ARHGAP35: variants seen among roughly 807,000 people sequenced by gnomAD.
ARHGAP35 encodes Rho GTPase activating protein 35, also known as rho GTPase-activating protein 35.
A neutral mutation model predicts 111.1 loss-of-function variants in ARHGAP35; 15 were observed. The observed-to-expected ratio is 0.13, with a 90% CI of 0.09 to 0.21. The LOEUF (loss-of-function observed/expected upper bound fraction) is 0.21, where lower values mean the gene tolerates loss of function less well. ARHGAP35 is among the 10% of genes least tolerant of loss of function. The probability of loss-of-function intolerance (pLI) is 1.00; values close to 1 mark genes in which losing one functional copy is unlikely to be tolerated. For synonymous variants in ARHGAP35, 643 were observed against 710.3 expected, an observed-to-expected ratio of 0.91 and a Z score of 1.51; for missense variants, 1,262 against 1,873.0, an observed-to-expected ratio of 0.67 and a Z score of 6.02.
chr19:46,893,434 C>A (rs1368080631), intron 1 of ARHGAP35, among the ~76,000 whole-genome samples: 1 of 152,104 alleles, frequency 6.6e-6, no homozygotes, highest in African/African-American at 2.4e-5. Flanking sequence ...AAGACCCCTT[C>A]TTTTCTAGTG....
Position 46,921,584 on chromosome 19 carries a change from C to A in ARHGAP35, c.2909C>A (p.Ser970Tyr), listed in dbSNP as rs1420807534. The part of the protein sequence containing the change: ...ACSTTEEVFN[S>Y]PRAGSPLCNS... ...AGCACCACCGAAGAGGTGTTTAACT[C>A]CCCCCGGGCAGGATCACCGCTCTGC... Residue 970 changes from serine (S) to tyrosine (Y), a missense_variant, in exon 2 of 7, where the codon TCC (serine) becomes TAC (tyrosine). Physicochemically the swap from Ser to Tyr is moderately radical, Grantham distance 144. Coordinates refer to ENST00000672722, the MANE Select transcript of ARHGAP35 (RefSeq NM_004491.5). This position sits in a 1 kb window ranked among gnomAD's most constrained non-coding sequence, Gnocchi z 4.3. 6.2e-7 allele frequency: 1 copy of A among 1,613,906 alleles called. No homozygotes were observed. The highest frequency in any genetic ancestry group is 8.5e-7 in the Non-Finnish European group (1 of 1,179,880).
Position 46,920,347 on chromosome 19 carries a change from A to C in ARHGAP35, c.1672A>C (p.Thr558Pro). Residue 558 changes from threonine to proline, a missense_variant, in exon 2 of 7, where the codon ACA becomes CCA. Physicochemically the swap from Thr to Pro is conservative, Grantham distance 38. Transcript: ENST00000672722. The surrounding 1 kb of genome is among the most constrained non-coding windows in gnomAD (Gnocchi z 7.0). ...TTTTGTGTACCACCCAACAAAGGAG[A>C]CATGCCCCAGCTGCCCAGCTTGTGT... ...IHFVYHPTKE[T>P]CPSCPACVDA... The C allele has an allele frequency of 6.2e-7, 1 of 1,613,976 alleles. No individual in the cohort carries two copies. Among genetic ancestry groups the C allele is most frequent in the Non-Finnish European group, 8.5e-7 (1 of 1,179,894 alleles).
chr19:46,913,569 G>A (rs1352276695), intron 1 of ARHGAP35, among the ~76,000 whole-genome samples: 2 of 152,084 alleles, frequency 1.3e-5, no homozygotes, highest in African/African-American at 4.8e-5. Flanking sequence ...GTCTGAAGAA[G>A]GCACGTAGAT....
Position 46,920,574 on chromosome 19 carries a change from T to C in ARHGAP35, c.1899T>C (p.Tyr633=). The change falls in exon 2 of 7, where the codon TAT becomes TAC. Residue 633 remains tyrosine, a synonymous_variant. Transcript: ENST00000672722. The surrounding 1 kb of genome is among the most constrained non-coding windows in gnomAD (Gnocchi z 7.0). ...DDKYVIDGKM[Y]ELSLRPIEGN... is the part of the protein sequence containing the mutation. ...AGTATGTGATAGATGGTAAAATGTATGAGCTTTCCCTGAGGCCAATAGAGG... is the reference window on the plus strand; with the variant it reads ...AGTATGTGATAGATGGTAAAATGTACGAGCTTTCCCTGAGGCCAATAGAGG... 1 of 1,614,016 alleles carries C rather than the reference T, an allele frequency of 6.2e-7. No individual in the cohort carries two copies. The highest frequency in any genetic ancestry group is 8.5e-7 in the Non-Finnish European group (1 of 1,179,874).
chr19:46,989,212 T>C lies in ARHGAP35; in HGVS notation c.3905-332T>C, dbSNP rs2056666888. 5.0e-6 allele frequency: 1 copy of C among 198,574 alleles called. No homozygotes were observed. The highest frequency in any genetic ancestry group is 1.1e-5 in the Non-Finnish European group (1 of 94,114). 12.3% of individuals were successfully genotyped at this position (198,574 alleles called of 1,614,324 possible). A position where few individuals can be genotyped will look rare whatever the true frequency, so the allele number is the denominator to read the frequency against. ...GGAAAGCCGCCTCCTTCTTCTGTGATGGGAAGGGAGTAAGGAAGAGGCAAC... is the reference window on the plus strand; with the variant it reads ...GGAAAGCCGCCTCCTTCTTCTGTGACGGGAAGGGAGTAAGGAAGAGGCAAC... On this transcript the variant is annotated intron_variant, in intron 4 of 6. Transcript: ENST00000672722. This position sits in a 1 kb window ranked among gnomAD's most constrained non-coding sequence, Gnocchi z 5.3.
chr19:46,998,101 CAA>C (rs797001984), intron 5 of ARHGAP35, among the ~76,000 whole-genome samples: 3 of 135,202 alleles, frequency 2.2e-5, no homozygotes, highest in Non-Finnish European at 1.6e-5. Context: ...GACTCCGTCT[CAA>C]AAAAAAAAAG....
chr19:46,875,196 T>TA (rs1355183185), intron 1 of ARHGAP35, among the ~76,000 whole-genome samples: 1 of 151,708 alleles, frequency 6.6e-6, no homozygotes, highest in Non-Finnish European at 1.5e-5. Context: ...CGTCTACACA[T>TA]ATATCTATTA....
At chr19:46,883,476 A>G (rs960466395) in intron 1 of ARHGAP35, among the ~76,000 whole-genome samples, 1 of 152,022 alleles carries the variant, frequency 6.6e-6, no homozygotes, top group South Asian at 2.1e-4. Context: ...CACATACAAC[A>G]TTTTTTCAAC....
Position 46,878,528 on chromosome 19 carries a change from A to C in ARHGAP35, c.-189+17319A>C, listed in dbSNP as rs544533565. Among the ~76,000 whole-genome samples the C allele has an allele frequency of 2.6e-3, 392 of 152,290 alleles. 2 individuals are homozygous for C. The highest frequency in any genetic ancestry group is 6.8e-3 in the Middle Eastern group (2 of 294). ...GAGATGGGGTTTCGCCATGTTGGCC[A>C]GGGTGGTCTCAAACTCTTAGCCTCA... On this transcript the variant is annotated intron_variant, in intron 1 of 6. Coordinates refer to ENST00000672722, the MANE Select transcript of ARHGAP35 (RefSeq NM_004491.5).
chr19:46,965,720 A>G (rs774205524), intron 3 of ARHGAP35, among the ~76,000 whole-genome samples: 49 of 152,130 alleles, frequency 3.2e-4, no homozygotes, highest in Admixed American at 1.5e-3. Flanking sequence ...CCTGCGCTCA[A>G]GTGACTCTCC....
rs544584801 is a variant in ARHGAP35, at chr19:46,901,615, G to T, written c.-188-16873G>T. The stretch of plus-strand genomic sequence containing the variant: ...AAAGATAACTTGCTGCTCTAGGAGA[G>T]CAAGAGTATACATGTGAAGAACGCG... On this transcript the variant is annotated intron_variant, in intron 1 of 6. Transcript: ENST00000672722. This position sits in a 1 kb window ranked among gnomAD's most constrained non-coding sequence, Gnocchi z 4.5. Among the ~76,000 whole-genome samples the T allele has an allele frequency of 6.6e-6, 1 of 152,328 alleles. No individual in the cohort carries two copies. Among genetic ancestry groups the T allele is most frequent in the African/African-American group, 2.4e-5 (1 of 41,584 alleles).
chr19:46,935,507 C>T (rs1479796768), intron 2 of ARHGAP35, among the ~76,000 whole-genome samples: 1 of 151,990 alleles, frequency 6.6e-6, no homozygotes, highest in Non-Finnish European at 1.5e-5. Context: ...TTTTCTTATA[C>T]AAAGGGGTAC....
chr19:46,973,237 C>T (rs891667947), intron 3 of ARHGAP35, among the ~76,000 whole-genome samples: 3 of 152,134 alleles, frequency 2.0e-5, no homozygotes, highest in Non-Finnish European at 4.4e-5. Flanking sequence ...GTGGTGGGCA[C>T]CTGTAATTCC....
chr19:46,987,956 C>A, intron 3 of ARHGAP35, 33 bp from the exon 4 acceptor site: 1 of 1,608,336 alleles, frequency 6.2e-7, no homozygotes, highest in South Asian at 1.1e-5. Context: ...CTCTCCAGTT[C>A]CTGCTCCTAA....
In ARHGAP35 at chr19:46,972,679, G is replaced by A. The variant is rs534234820; in HGVS notation, c.3827-15310G>A. On this transcript the variant is annotated intron_variant, in intron 3 of 6. Transcript: ENST00000672722. The stretch of plus-strand genomic sequence containing the variant: ...TTGCACATATTAAAAGAGATAATAT[G>A]TACCAAGTGCCAGGCTGGAGCTCAC... Among the ~76,000 whole-genome samples the A allele has an allele frequency of 4.9e-4, 75 of 152,300 alleles. 1 individual carries two copies. The highest frequency in any genetic ancestry group is 1.8e-3 in the African/African-American group (73 of 41,548).
intron 1 of ARHGAP35, among the ~76,000 whole-genome samples, chr19:46,899,614 C>T (rs2056074102): frequency 6.6e-6 from 1 of 151,558 alleles, no homozygotes; most frequent in South Asian, 2.1e-4. Flanking sequence ...GCGGGAGGAT[C>T]GCTTGAGCCT....
In ARHGAP35 at chr19:46,994,329, G is replaced by A. The variant is rs1461426531; in HGVS notation, c.4036+4654G>A. On this transcript the variant is annotated intron_variant, in intron 5 of 6. Coordinates refer to ENST00000672722, the MANE Select transcript of ARHGAP35 (RefSeq NM_004491.5). This position sits in a 1 kb window ranked among gnomAD's most constrained non-coding sequence, Gnocchi z 5.4. Reference sequence around the variant, plus strand: ...CAGGGCTCCACTGAAGATGGTGAGTGGCTGCCCTGAGTGTGCCGCTGCCCT... The same window carrying A: ...CAGGGCTCCACTGAAGATGGTGAGTAGCTGCCCTGAGTGTGCCGCTGCCCT... Among the ~76,000 whole-genome samples the A allele has an allele frequency of 6.6e-6, 1 of 152,200 alleles. No homozygotes were observed. Among genetic ancestry groups the A allele is most frequent in the Non-Finnish European group, 1.5e-5 (1 of 68,026 alleles).
In ARHGAP35 at chr19:46,994,073, A is replaced by C. The variant is rs1005152860; in HGVS notation, c.4036+4398A>C. On this transcript the variant is annotated intron_variant, in intron 5 of 6. Coordinates refer to ENST00000672722, the MANE Select transcript of ARHGAP35 (RefSeq NM_004491.5). The surrounding 1 kb of genome is among the most constrained non-coding windows in gnomAD (Gnocchi z 5.4). ...GGTGGAGGTTACACCAAAAGTCTGG[A>C]CGAGCGGACCTGGGAATCCACAAAC... Among the ~76,000 whole-genome samples the C allele has an allele frequency of 6.6e-6, 1 of 152,100 alleles. No homozygotes were observed. Among genetic ancestry groups the C allele is most frequent in the Admixed American group, 6.5e-5 (1 of 15,270 alleles).
At chr19:46,938,919 T>G (rs2056327669) in intron 3 of ARHGAP35, among the ~76,000 whole-genome samples, 1 of 152,132 alleles carries the variant, frequency 6.6e-6, no homozygotes, top group Admixed American at 6.5e-5. Flanking sequence ...CCTGCCAAAG[T>G]GCTGGGATTA....
Sources: gnomAD v4.1 joint callset for allele counts (sites outside exome capture counted in the v4.1 genomes callset) on GRCh38, gnomAD v4.1.1 for gene constraint, Gnocchi (gnomAD v3.1) non-coding constraint, MANE v1.5 for transcripts, NCBI Gene and HGNC (gene_info 2026-07-23, HGNC 2026-07-21) for gene names.